The following JRK variants were observed in gnomAD, a reference collection of about 807,000 sequenced individuals.
JRK encodes the protein Jrk helix-turn-helix protein, also known as jerky protein homolog.
For missense variants in JRK, 720 were observed against 509.2 expected, an observed-to-expected ratio of 1.41 and a Z score of -3.98; for synonymous variants, 303 against 218.1, an observed-to-expected ratio of 1.39 and a Z score of -3.43.
rs782030049 is a variant in JRK, at chr8:142,663,898, T to TA, written c.*453dup. On this transcript the variant is annotated 3_prime_UTR_variant, in exon 2 of 2. Coordinates refer to ENST00000612905, the MANE Select transcript of JRK (RefSeq NM_003724.4). ...CGGGGATGGCCGCCAGCCCAGCAGA[T>TA]AGAGCCTTCTGAGACGAAGCCTGTC... 1.6e-4 allele frequency: 156 copies of TA among 992,302 alleles called. No individual in the cohort carries two copies. The highest frequency in any genetic ancestry group is 3.0e-4 in the Admixed American group (5 of 16,560). 61.5% of individuals were successfully genotyped at this position (992,302 alleles called of 1,614,324 possible). A position where few individuals can be genotyped will look rare whatever the true frequency, so the allele number is the denominator to read the frequency against.
At position 142,665,293 on chromosome 8, in the gene JRK, C is replaced by T. The variant is rs1554635599; in HGVS notation, c.766G>A (p.Ala256Thr). The T allele has an allele frequency of 4.2e-6, 3 of 717,832 alleles. No homozygotes were observed. Among genetic ancestry groups the T allele is most frequent in the Non-Finnish European group, 7.8e-6 (3 of 385,098 alleles). The allele number at this position is 717,832 out of a possible 1,614,324, so 44.5% of individuals were successfully genotyped here. The change falls in exon 2 of 2, where the codon GCC (alanine) becomes ACC (threonine). Residue 256 changes from alanine (A) to threonine (T), a missense_variant. Transcript: ENST00000612905. ...TTGTCCACCCAGGCGTTCCCCTGGGCCTTATAGGCGACGGGCAGGTGCTGG... is the reference window on the plus strand; with the variant it reads ...TTGTCCACCCAGGCGTTCCCCTGGGTCTTATAGGCGACGGGCAGGTGCTGG... ...GIQHLPVAYK[A>T]QGNAWVDKEI...
At position 142,663,885 on chromosome 8, in the gene JRK, C is replaced by G; in HGVS notation, c.*467G>C. The G allele has an allele frequency of 1.0e-6, 1 of 990,646 alleles. No individual in the cohort carries two copies. Among genetic ancestry groups the G allele is most frequent in the Non-Finnish European group, 1.2e-6 (1 of 833,766 alleles). 61.4% of individuals were successfully genotyped at this position (990,646 alleles called of 1,614,324 possible). A position where few individuals can be genotyped will look rare whatever the true frequency, so the allele number is the denominator to read the frequency against. On this transcript the variant is annotated 3_prime_UTR_variant, in exon 2 of 2. Transcript: ENST00000612905. ...GGTCCACCCAACACGGGGATGGCCG[C>G]CAGCCCAGCAGATAGAGCCTTCTGA...
the JRK span, among the ~76,000 whole-genome samples, chr8:142,643,787 G>A: frequency 4.6e-5 from 7 of 152,186 alleles, no homozygotes; most frequent in Non-Finnish European, 1.0e-4. Flanking sequence ...TTCTCCAAGT[G>A]TGTCCTCTTA....
At position 142,664,591 on chromosome 8, in the gene JRK, C is replaced by T. The variant is rs782542201; in HGVS notation, c.1468G>A (p.Ala490Thr). 1.9e-6 allele frequency: 3 copies of T among 1,609,260 alleles called. No individual in the cohort carries two copies. The highest frequency in any genetic ancestry group is 2.5e-6 in the Non-Finnish European group (3 of 1,178,830). The change falls in exon 2 of 2, where the codon GCG (alanine) becomes ACG (threonine). Residue 490 changes from alanine to threonine, a missense_variant. By Grantham distance (58) the Ala-to-Thr change is moderately conservative. Coordinates refer to ENST00000612905, the MANE Select transcript of JRK (RefSeq NM_003724.4). ...GEGEEVAWEQAAVAFDAVLRF... is the reference protein window; with the variant it reads ...GEGEEVAWEQTAVAFDAVLRF... ...AGGACTGCGTCAAAGGCCACGGCCG[C>T]CTGCTCCCAGGCCACCTCCTCGCCC...
At chr8:142,656,555 T>C (rs1846756440), downstream of JRK, among the ~76,000 whole-genome samples, 1 of 152,244 alleles carries the variant, frequency 6.6e-6, no homozygotes, top group South Asian at 2.1e-4. Flanking sequence ...TGTGATACTT[T>C]TACCAGCCAG....
chr8:142,643,751 G>C, the JRK span, among the ~76,000 whole-genome samples: 1 of 152,196 alleles, frequency 6.6e-6, no homozygotes, highest in Non-Finnish European at 1.5e-5. Context: ...CACCATTCCA[G>C]TCAAAGCCTT....
At position 142,658,977 on chromosome 8, in the gene JRK, G is replaced by A; in HGVS notation, c.*5375C>T. ...AACAGAACTTTGCTGCTTCATGGAG[G>A]AGCGTCAGTATGTCCACACCATAGG... is the stretch of plus-strand genomic sequence containing the variant. On this transcript the variant is annotated 3_prime_UTR_variant, in exon 2 of 2. Transcript: ENST00000612905. 1 of 1,603,898 alleles carries A rather than the reference G, an allele frequency of 6.2e-7. No homozygotes were observed. Among genetic ancestry groups the A allele is most frequent in the Non-Finnish European group, 8.5e-7 (1 of 1,174,976 alleles).
chr8:142,650,131 G>A, the JRK span, among the ~76,000 whole-genome samples: 1 of 152,256 alleles, frequency 6.6e-6, no homozygotes, highest in Non-Finnish European at 1.5e-5. Flanking sequence ...GACTTGCATG[G>A]GGCCTGTGGC....
At chr8:142,653,967 CCT>C (rs1259903146), downstream of JRK, among the ~76,000 whole-genome samples, 3 of 152,186 alleles carry the variant, frequency 2.0e-5, no homozygotes, top group Non-Finnish European at 2.9e-5. Flanking sequence ...CTGCAATTCC[CCT>C]GTCTTGGTAA....
At chr8:142,656,572 T>G (rs1435695669), downstream of JRK, among the ~76,000 whole-genome samples, 2 of 152,236 alleles carry the variant, frequency 1.3e-5, no homozygotes, top group Non-Finnish European at 2.9e-5. Context: ...CCAGACTATA[T>G]TTTTGGCATA....
chr8:142,668,484 C>G (rs1394731472), intron 1 of JRK, among the ~76,000 whole-genome samples: 1 of 151,908 alleles, frequency 6.6e-6, no homozygotes, highest in Non-Finnish European at 1.5e-5. Context: ...CCATGGGGAA[C>G]AGGAGGGAAG....
At position 142,665,337 on chromosome 8, in the gene JRK, G is replaced by A. The variant is rs35436748; in HGVS notation, c.722C>T (p.Pro241Leu). 1.2e-4 allele frequency: 85 copies of A among 717,524 alleles called. No individual in the cohort carries two copies. The highest frequency in any genetic ancestry group is 9.1e-4 in the Middle Eastern group (4 of 4,394). The allele number at this position is 717,524 out of a possible 1,614,324, so 44.4% of individuals were successfully genotyped here. A position where few individuals can be genotyped will look rare whatever the true frequency, so the allele number is the denominator to read the frequency against. The change falls in exon 2 of 2, where the codon CCC becomes CTC. Residue 241 changes from proline to leucine, a missense_variant. By Grantham distance (98) the Pro-to-Leu change is moderately conservative. Coordinates refer to ENST00000612905, the MANE Select transcript of JRK (RefSeq NM_003724.4). ...KPLAIGKCSG[P>L]RAFKGIQHLP... is the part of the protein sequence containing the mutation. ...GTGCTGGATGCCTTTGAAAGCCCTG[G>A]GACCGCTGCACTTCCCGATGGCCAA...
rs1207835674 is a variant in JRK at position 142,662,965 on chromosome 8, G to A, written c.*1387C>T. On this transcript the variant is annotated 3_prime_UTR_variant, in exon 2 of 2. Transcript: ENST00000612905. The stretch of plus-strand genomic sequence containing the variant: ...GCTTGAGGCCAAGAGTTCAAGACCA[G>A]CCTGGGCAACACAGTGAGACCCTGT... 8 of 703,710 alleles carry A rather than the reference G, an allele frequency of 1.1e-5. No homozygotes were observed. The highest frequency in any genetic ancestry group is 3.9e-5 in the African/African-American group (2 of 51,538). The allele number at this position is 703,710 out of a possible 1,614,324, so 43.6% of individuals were successfully genotyped here. A position where few individuals can be genotyped will look rare whatever the true frequency, so the allele number is the denominator to read the frequency against.
chr8:142,652,402 T>G, the JRK span, among the ~76,000 whole-genome samples: 2 of 152,328 alleles, frequency 1.3e-5, no homozygotes, highest in South Asian at 2.1e-4. Flanking sequence ...TCAACATATG[T>G]AAGATAAACA....
the JRK span, among the ~76,000 whole-genome samples, chr8:142,650,236 G>A: frequency 2.6e-5 from 4 of 152,338 alleles, no homozygotes; most frequent in East Asian, 7.7e-4. Flanking sequence ...ACTTGCTTTT[G>A]ATTTTACAGG....
intron 1 of JRK, among the ~76,000 whole-genome samples, chr8:142,668,654 C>T (rs10110864): frequency 0.62 from 93,798 of 151,300 alleles, 29,569 homozygotes; most frequent in Admixed American, 0.69. Flanking sequence ...CAGCTCCTCG[C>T]GGACACGTCT....
Position 142,664,796 on chromosome 8 carries a change from A to T in JRK, c.1263T>A (p.Leu421=). 4 of 1,593,868 alleles carry T rather than the reference A, an allele frequency of 2.5e-6. No homozygotes were observed. Among genetic ancestry groups the T allele is most frequent in the Non-Finnish European group, 3.4e-6 (4 of 1,170,860 alleles). ...HNKSFAHILE[L]VKEGSSCPGQ... The stretch of plus-strand genomic sequence containing the variant: ...CCGGGCAGGAGGAGCCTTCCTTCAC[A>T]AGCTCCAGGATGTGTGCAAAGGACT... The change falls in exon 2 of 2, where the codon CTT becomes CTA. Residue 421 remains leucine (L), a synonymous_variant. Transcript: ENST00000612905.
At position 142,661,152 on chromosome 8, in the gene JRK, G is replaced by A; in HGVS notation, c.*3200C>T. ...CACGCACAGACAGGCCCAGGGCAAGGTCTGCTCTAGACCCTCCTATGCAGG... is the reference window on the plus strand; with the variant it reads ...CACGCACAGACAGGCCCAGGGCAAGATCTGCTCTAGACCCTCCTATGCAGG... On this transcript the variant is annotated 3_prime_UTR_variant, in exon 2 of 2. Transcript: ENST00000612905. The A allele has an allele frequency of 1.0e-6, 1 of 985,526 alleles. No homozygotes were observed. Among genetic ancestry groups the A allele is most frequent in the Non-Finnish European group, 1.2e-6 (1 of 829,974 alleles). 61.0% of individuals were successfully genotyped at this position (985,526 alleles called of 1,614,324 possible). A position where few individuals can be genotyped will look rare whatever the true frequency, so the allele number is the denominator to read the frequency against.
chr8:142,661,377 T>A lies in JRK; in HGVS notation c.*2975A>T. 1 of 985,238 alleles carries A rather than the reference T, an allele frequency of 1.0e-6. No individual in the cohort carries two copies. Among genetic ancestry groups the A allele is most frequent in the Non-Finnish European group, 1.2e-6 (1 of 829,912 alleles). The allele number at this position is 985,238 out of a possible 1,614,324, so 61.0% of individuals were successfully genotyped here. A position where few individuals can be genotyped will look rare whatever the true frequency, so the allele number is the denominator to read the frequency against. The stretch of plus-strand genomic sequence containing the variant: ...TCCCGAGGGATGGGAGCTCCCAGAG[T>A]GGAGGCTGCCTGTCCCGAGTGAGGA... On this transcript the variant is annotated 3_prime_UTR_variant, in exon 2 of 2. Transcript: ENST00000612905.
Sources: gnomAD v4.1 joint callset for allele counts (sites outside exome capture counted in the v4.1 genomes callset) on GRCh38, gnomAD v4.1.1 for gene constraint, MANE v1.5 for transcripts, NCBI Gene and HGNC (gene_info 2026-07-23, HGNC 2026-07-21) for gene names.